KCNT1: variants seen among roughly 807,000 people sequenced by gnomAD.
KCNT1 encodes potassium sodium-activated channel subfamily T member 1, also known as potassium channel subfamily T member 1.
Under a neutral mutation model 147.8 loss-of-function variants are expected in KCNT1, and 78 were observed. That is an observed-to-expected ratio of 0.53 (90% CI 0.44 to 0.64). KCNT1 has a LOEUF of 0.64. KCNT1 is among the 30% of genes least tolerant of loss of function. The pLI is 0.00. For synonymous variants in KCNT1, 867 were observed against 748.8 expected (o/e 1.16, Z -2.58); for missense variants, 1,419 against 1,750.3 (o/e 0.81, Z 3.38).
At chr9:135,755,028 G>A in intron 5 of KCNT1, 93 bp from the exon 6 acceptor site, 1 of 1,186,290 alleles carries the variant, frequency 8.4e-7, no homozygotes, top group Non-Finnish European at 1.2e-6. Flanking sequence ...CTTGGGGCCA[G>A]TGGAGGCCAA....
chr9:135,727,611 T>C (rs953966169), intron 2 of KCNT1, among the ~76,000 whole-genome samples: 14 of 152,078 alleles, frequency 9.2e-5, no homozygotes, highest in African/African-American at 3.4e-4. Context: ...CCATGCCTGG[T>C]GGTACTGTTG....
intron 2 of KCNT1, among the ~76,000 whole-genome samples, chr9:135,726,741 C>T (rs1836164345): frequency 1.4e-5 from 2 of 143,506 alleles, no homozygotes; most frequent in African/African-American, 5.2e-5. Flanking sequence ...CTTTCCCTCC[C>T]TCTCTCCCTC....
At chr9:135,747,297 A>G (rs1370210889) in intron 2 of KCNT1, among the ~76,000 whole-genome samples, 1 of 129,884 alleles carries the variant, frequency 7.7e-6, no homozygotes, top group Non-Finnish European at 1.6e-5. Context: ...AGGTGAGCAG[A>G]CCCCCCGCGT....
intron 2 of KCNT1, chr9:135,737,009 G>A (rs1344148886): frequency 5.1e-5 from 14 of 274,704 alleles, no homozygotes; most frequent in Non-Finnish European, 9.5e-5. Context: ...TGAACACGGC[G>A]GGGCTGCAGG....
chr9:135,772,986 A>G (rs1309524873), intron 19 of KCNT1, 37 bp downstream of exon 19: 8 of 1,375,748 alleles, frequency 5.8e-6, no homozygotes, highest in Non-Finnish European at 7.6e-6. Flanking sequence ...CAGTGGGGGG[A>G]GGAGCCGCCC....
chr9:135,721,196 C>T (rs1214602413), intron 2 of KCNT1, among the ~76,000 whole-genome samples: 2 of 152,184 alleles, frequency 1.3e-5, no homozygotes, highest in East Asian at 3.9e-4. Flanking sequence ...TGGGCCAGCC[C>T]CAGCCTCGAA....
chr9:135,753,715 A>C, intron 4 of KCNT1: 2 of 595,990 alleles, frequency 3.4e-6, no homozygotes, highest in Admixed American at 2.9e-5. Context: ...TGGCCAGCCC[A>C]GCATTCCTCA....
At chr9:135,751,576 C>T (rs956244008) in intron 4 of KCNT1, among the ~76,000 whole-genome samples, 1 of 152,182 alleles carries the variant, frequency 6.6e-6, no homozygotes, top group African/African-American at 2.4e-5. Context: ...TCGCAGCAGC[C>T]GCGATGAGGG....
chr9:135,775,510 C>A, intron 20 of KCNT1, 95 bp downstream of exon 20: 2 of 893,954 alleles, frequency 2.2e-6, no homozygotes, highest in South Asian at 1.8e-5. Context: ...CTTTACATTT[C>A]GATACCATTG....
rs1167158558 is a variant in KCNT1, at chr9:135,765,716, C to T, written c.1293C>T (p.Tyr431=). 2.5e-6 allele frequency: 4 copies of T among 1,610,528 alleles called. No individual in the cohort carries two copies. The highest frequency in any genetic ancestry group is 2.5e-6 in the Non-Finnish European group (3 of 1,178,560). ...QIPLWSQRVI[Y]LQGSALKDQD... Reference sequence around the variant, plus strand: ...CTCTGTGGTCCCAGCGGGTCATCTACCTCCAGGGCTCTGCACTCAAAGACC... The same window carrying T: ...CTCTGTGGTCCCAGCGGGTCATCTATCTCCAGGGCTCTGCACTCAAAGACC... The change falls in exon 13 of 31, where the codon TAC becomes TAT. Residue 431 remains tyrosine (Y), a synonymous_variant. Transcript: ENST00000371757.
chr9:135,756,835 G>A (rs759828584), intron 6 of KCNT1, 38 bp from the exon 7 acceptor site: 38 of 1,594,314 alleles, frequency 2.4e-5, no homozygotes, highest in African/African-American at 6.7e-5. Context: ...CCCCAGCCCC[G>A]GCCTGCTCCA....
Position 135,768,771 on chromosome 9 carries a change from C to T in KCNT1, c.1402-58C>T, listed in dbSNP as rs781284165. 95 of 1,547,456 alleles carry T rather than the reference C, an allele frequency of 6.1e-5. 1 individual carries two copies. Among genetic ancestry groups the T allele is most frequent in the South Asian group, 3.7e-4 (32 of 86,438 alleles). Reference sequence around the variant, plus strand: ...GAGACCTGCCCCAGGCTGCCGGTGCCGCCCAGCAGCCCACAGAGGCCAGCC... The same window carrying T: ...GAGACCTGCCCCAGGCTGCCGGTGCTGCCCAGCAGCCCACAGAGGCCAGCC... On this transcript the variant is annotated intron_variant, in intron 14 of 30. Transcript: ENST00000371757.
chr9:135,744,591 G>A lies in KCNT1; in HGVS notation c.255-5507G>A, dbSNP rs1002953740. 2.0e-5 allele frequency among the ~76,000 whole-genome samples: 3 copies of A among 152,332 alleles called. 1 individual carries two copies. The highest frequency in any genetic ancestry group is 6.5e-5 in the Admixed American group (1 of 15,308). On this transcript the variant is annotated intron_variant, in intron 2 of 30. Coordinates refer to ENST00000371757, the MANE Select transcript of KCNT1 (RefSeq NM_020822.3). The stretch of plus-strand genomic sequence containing the variant: ...AGTGACTGGGGCAAGCGTGGGCCTC[G>A]GGGAGCCTCGGGGGGCTACAGCGGG...
At chr9:135,713,979 C>T (rs188552809) in intron 1 of KCNT1, among the ~76,000 whole-genome samples, 4 of 152,256 alleles carry the variant, frequency 2.6e-5, no homozygotes, top group East Asian at 3.9e-4. Context: ...GGCAGCCCCC[C>T]GGGGTTCTGA....
At chr9:135,728,281 C>A (rs953225635) in intron 2 of KCNT1, among the ~76,000 whole-genome samples, 6 of 152,334 alleles carry the variant, frequency 3.9e-5, no homozygotes, top group Middle Eastern at 3.4e-3. Flanking sequence ...TCAAGCCCCC[C>A]GCTGTGGTAC....
intron 3 of KCNT1, among the ~76,000 whole-genome samples, 155 bp downstream of exon 3, chr9:135,750,332 G>A (rs922898156): frequency 2.0e-5 from 3 of 151,966 alleles, no homozygotes; most frequent in Non-Finnish European, 4.4e-5. Flanking sequence ...GAAGCAGGGT[G>A]GGGGTGGGTC....
rs1338307813 is a variant in KCNT1 at position 135,713,172 on chromosome 9, A to G, written c.111-1405A>G. On this transcript the variant is annotated intron_variant, in intron 1 of 30. Transcript: ENST00000371757. ...TTGCCATTGAAAGGGGCTTTCAGTGAGGAAGGCACAAAATCAAGAAAATAG... is the reference window on the plus strand; with the variant it reads ...TTGCCATTGAAAGGGGCTTTCAGTGGGGAAGGCACAAAATCAAGAAAATAG... Among the ~76,000 whole-genome samples the G allele has an allele frequency of 2.0e-5, 3 of 152,246 alleles. No homozygotes were observed. In the East Asian group the frequency reaches 5.8e-4, roughly 29 times the overall value.
intron 9 of KCNT1, 26 bp downstream of exon 9, chr9:135,757,407 G>A: frequency 1.3e-6 from 2 of 1,592,562 alleles, no homozygotes; most frequent in Non-Finnish European, 8.5e-7. Context: ...GGGTGCAGCT[G>A]GGACTTGGGG....
chr9:135,768,272 T>G (rs71483263), intron 13 of KCNT1, among the ~76,000 whole-genome samples: 1,004 of 2,654 alleles, frequency 0.38, 165 homozygotes, highest in African/African-American at 0.61. Context: ...GGGATACCGG[T>G]GGGGGGGGCA....
Sources: allele counts gnomAD v4.1 joint callset (sites outside exome capture counted in the v4.1 genomes callset), GRCh38; gene constraint gnomAD v4.1.1; transcripts MANE v1.5; gene names NCBI Gene and HGNC (gene_info 2026-07-23, HGNC 2026-07-21).